Variants in SKIC3 observed in about 807,000 individuals in gnomAD.
SKIC3 encodes superkiller complex protein 3.
the SKIC3 span, among the ~76,000 whole-genome samples, chr5:95,488,894 C>T: frequency 6.6e-6 from 1 of 151,886 alleles, no homozygotes; most frequent in Admixed American, 6.5e-5. Flanking sequence ...AGAAATAAGG[C>T]AACACACATC....
chr5:95,540,549 C>T, the SKIC3 span: 6 of 1,039,956 alleles, frequency 5.8e-6, no homozygotes, highest in South Asian at 7.5e-5. Flanking sequence ...TATACAGGTG[C>T]AAATGAACAC....
the SKIC3 span, chr5:95,523,324 T>C: frequency 1.2e-6 from 2 of 1,612,280 alleles, no homozygotes; most frequent in African/African-American, 1.3e-5. Context: ...CTAAAGCCAT[T>C]TCCTAATAAT....
chr5:95,473,284 A>ATTGT, the SKIC3 span, among the ~76,000 whole-genome samples: 2 of 151,742 alleles, frequency 1.3e-5, 1 homozygote, highest in African/African-American at 4.8e-5. Context: ...TTTTGTTGTT[A>ATTGT]TTGTTTGTTT....
At chr5:95,545,535 A>G in the SKIC3 span, among the ~76,000 whole-genome samples, 1 of 152,070 alleles carries the variant, frequency 6.6e-6, no homozygotes, top group Non-Finnish European at 1.5e-5. Flanking sequence ...AACCACACCA[A>G]GTTCTGCCTC....
At chr5:95,516,236 T>C in the SKIC3 span, 68 of 965,314 alleles carry the variant, frequency 7.0e-5, 2 homozygotes, top group South Asian at 7.8e-4. Flanking sequence ...CTGGAGAGCA[T>C]ACTGGCTAGA....
chr5:95,511,318 G>T, the SKIC3 span, among the ~76,000 whole-genome samples: 1 of 152,222 alleles, frequency 6.6e-6, no homozygotes, highest in South Asian at 2.1e-4. Flanking sequence ...GAAGGCTAAG[G>T]CAAGAGAATG....
chr5:95,503,128 G>A, the SKIC3 span: 1 of 1,041,642 alleles, frequency 9.6e-7, no homozygotes, highest in Non-Finnish European at 1.4e-6. Context: ...GTATTCTCCT[G>A]TTCTCAAGCA....
the SKIC3 span, chr5:95,520,750 C>T: frequency 6.2e-7 from 1 of 1,611,884 alleles, no homozygotes; most frequent in South Asian, 1.1e-5. Flanking sequence ...TCTATGTAGT[C>T]TACGGCTTTT....
the SKIC3 span, among the ~76,000 whole-genome samples, chr5:95,531,723 T>C: frequency 6.6e-6 from 1 of 152,156 alleles, no homozygotes; most frequent in Non-Finnish European, 1.5e-5. Context: ...CTGATGCTAC[T>C]GGTCCAGATA....
chr5:95,504,804 C>T, the SKIC3 span, among the ~76,000 whole-genome samples: 3 of 151,958 alleles, frequency 2.0e-5, no homozygotes, highest in African/African-American at 7.3e-5. Context: ...AGTTCAAGAC[C>T]AACCTGGCCA....
the SKIC3 span, chr5:95,536,596 CAAT>C: frequency 2.0e-6 from 1 of 493,126 alleles, no homozygotes; most frequent in Non-Finnish European, 3.6e-6. Flanking sequence ...CACTGACTAA[CAAT>C]AAATCTGGCA....
the SKIC3 span, chr5:95,503,934 T>C: frequency 6.2e-7 from 1 of 1,613,852 alleles, no homozygotes; most frequent in Non-Finnish European, 8.5e-7. Flanking sequence ...TATTCACCAG[T>C]GGAACTAAGA....
chr5:95,528,119 C>A, the SKIC3 span: 1 of 1,613,778 alleles, frequency 6.2e-7, no homozygotes, highest in South Asian at 1.1e-5. Context: ...AAGACTGTTA[C>A]CAGACGCACC....
chr5:95,487,339 A>G, the SKIC3 span, among the ~76,000 whole-genome samples: 1 of 152,098 alleles, frequency 6.6e-6, no homozygotes, highest in South Asian at 2.1e-4. Context: ...CTCTAGGAGA[A>G]CCCTAATACA....
chr5:95,469,914 T>A, the SKIC3 span: 4 of 1,613,546 alleles, frequency 2.5e-6, no homozygotes, highest in Non-Finnish European at 3.4e-6. Context: ...TGTTAGCCTA[T>A]AAAAATATAA....
the SKIC3 span, among the ~76,000 whole-genome samples, chr5:95,522,905 A>T: frequency 6.6e-6 from 1 of 152,166 alleles, no homozygotes; most frequent in Non-Finnish European, 1.5e-5. Flanking sequence ...AATGTGTGTC[A>T]GCAGAACAAC....
At chr5:95,520,963 T>C in the SKIC3 span, 1 of 637,622 alleles carries the variant, frequency 1.6e-6, no homozygotes, top group Non-Finnish European at 2.8e-6. Context: ...TCTTAAAGCA[T>C]GATCCTACAT....
chr5:95,486,159 A>G, the SKIC3 span, among the ~76,000 whole-genome samples: 1 of 152,088 alleles, frequency 6.6e-6, no homozygotes, highest in Non-Finnish European at 1.5e-5. Flanking sequence ...GTGAGGCACT[A>G]TTTTGAGAGC....
chr5:95,483,890 C>A, the SKIC3 span, among the ~76,000 whole-genome samples: 2 of 152,134 alleles, frequency 1.3e-5, no homozygotes, highest in South Asian at 4.1e-4. Context: ...TCCAGTCACC[C>A]ACTCAACAAT....
Sources: gnomAD v4.1 joint callset for allele counts (sites outside exome capture counted in the v4.1 genomes callset) on GRCh38, gnomAD v4.1.1 for gene constraint, MANE v1.5 for transcripts, NCBI Gene and HGNC (gene_info 2026-07-23, HGNC 2026-07-21) for gene names.